WDR20: variants seen among roughly 807,000 people sequenced by gnomAD.
The protein encoded by WDR20 is WD repeat domain 20.
In WDR20, 3 loss-of-function variants were observed where a neutral mutation model predicts 38.7. The observed-to-expected ratio is 0.08, with a 90% CI of 0.04 to 0.20. The LOEUF is 0.20. WDR20 is among the 10% of genes least tolerant of loss of function. The probability of loss-of-function intolerance (pLI) is 1.00; values close to 1 mark genes in which losing one functional copy is unlikely to be tolerated. For missense variants in WDR20, 559 were observed against 727.7 expected (o/e 0.77, Z 2.67); for synonymous variants, 298 against 285.6 (o/e 1.04, Z -0.44).
intron 2 of WDR20, among the ~76,000 whole-genome samples, chr14:102,203,705 C>T (rs1478009247): frequency 6.6e-6 from 1 of 152,198 alleles, no homozygotes; most frequent in African/African-American, 2.4e-5. Context: ...AACCCCATCC[C>T]TCAGAGGGAC....
intron 1 of WDR20, among the ~76,000 whole-genome samples, chr14:102,177,210 G>GTTC (rs2062344630): frequency 1.3e-5 from 2 of 152,216 alleles, no homozygotes; most frequent in African/African-American, 2.4e-5. Context: ...GCTGAGCTGA[G>GTTC]ACCATTGTTT....
At chr14:102,161,692 C>G (rs770491798) in intron 1 of WDR20, among the ~76,000 whole-genome samples, 9 of 152,162 alleles carry the variant, frequency 5.9e-5, no homozygotes, top group Middle Eastern at 6.8e-3. Flanking sequence ...ATTGGGATGC[C>G]AGCTCCGTTT....
At chr14:102,171,464 G>T (rs886987181) in intron 1 of WDR20, 7 of 151,596 alleles carry the variant, frequency 4.6e-5, no homozygotes, top group African/African-American at 1.5e-4. Context: ...TCTTACATAT[G>T]ATTTCTTTTT....
intron 1 of WDR20, among the ~76,000 whole-genome samples, chr14:102,183,366 A>G (rs2152891664): frequency 6.6e-6 from 1 of 152,384 alleles, no homozygotes; most frequent in East Asian, 1.9e-4. Flanking sequence ...TTGTTTTAGT[A>G]GCTGATCTCC....
At chr14:102,148,292 C>G (rs2054388857) in intron 1 of WDR20, among the ~76,000 whole-genome samples, 1 of 152,010 alleles carries the variant, frequency 6.6e-6, no homozygotes, top group African/African-American at 2.4e-5. Flanking sequence ...GCCCTTAATC[C>G]CAGTATTTTA....
chr14:102,224,730 T>G, downstream of WDR20: 1 of 456,052 alleles, frequency 2.2e-6, no homozygotes, highest in Non-Finnish European at 4.4e-6. Context: ...GTTCTCAGCC[T>G]GCCCCACTCG....
chr14:102,146,156 G>A (rs556014831), intron 1 of WDR20, among the ~76,000 whole-genome samples: 1 of 151,546 alleles, frequency 6.6e-6, no homozygotes, highest in South Asian at 2.1e-4. Flanking sequence ...GAGTTTTTTT[G>A]TTTGTTTGTT....
chr14:102,139,840 G>T (rs997103900), upstream of WDR20: 23 of 1,553,374 alleles, frequency 1.5e-5, no homozygotes, highest in South Asian at 2.4e-5. Flanking sequence ...GGCAGGGGGT[G>T]GGGGAAGAGG....
chr14:102,151,762 CAA>C (rs946287593), intron 1 of WDR20, among the ~76,000 whole-genome samples: 37 of 149,626 alleles, frequency 2.5e-4, no homozygotes, highest in African/African-American at 8.1e-4. Context: ...TTTAATGAAA[CAA>C]GATTTCACTT....
chr14:102,191,936 C>G (rs1303208365), intron 1 of WDR20, among the ~76,000 whole-genome samples: 1 of 152,156 alleles, frequency 6.6e-6, no homozygotes, highest in African/African-American at 2.4e-5. Flanking sequence ...GGAAAAGAAA[C>G]TGAAAAAGAC....
chr14:102,176,343 C>G (rs989150849), intron 1 of WDR20, among the ~76,000 whole-genome samples: 2 of 151,928 alleles, frequency 1.3e-5, no homozygotes, highest in Admixed American at 6.6e-5. Context: ...TGCAGTGAGC[C>G]AAGATCGCGC....
At chr14:102,140,715 C>G (rs1047220425) in intron 1 of WDR20, among the ~76,000 whole-genome samples, 16 of 152,190 alleles carry the variant, frequency 1.1e-4, no homozygotes, top group African/African-American at 3.9e-4. Context: ...CTGACACTTC[C>G]TAGGAGCCTC....
chr14:102,215,441 G>A (rs553937401), downstream of WDR20, among the ~76,000 whole-genome samples: 73 of 152,254 alleles, frequency 4.8e-4, no homozygotes, highest in Middle Eastern at 3.4e-3. Context: ...AGAAGGTAGC[G>A]GCTGGTAGGC....
At chr14:102,200,467 T>TTGTGTGTGTGTGTGTG (rs71395660) in intron 2 of WDR20, among the ~76,000 whole-genome samples, 17 of 117,688 alleles carry the variant, frequency 1.4e-4, no homozygotes, top group African/African-American at 5.0e-4. Flanking sequence ...ATTTTTTTTT[T>TTGTGTGTGTGTGTGTG]TGTGTGTGTG....
At chr14:102,185,410 A>T (rs2064397756) in intron 1 of WDR20, among the ~76,000 whole-genome samples, 1 of 152,156 alleles carries the variant, frequency 6.6e-6, no homozygotes. Flanking sequence ...GCCTAGGAAC[A>T]TGGAGTTACA....
chr14:102,216,958 A>T (rs2063296157), downstream of WDR20, among the ~76,000 whole-genome samples: 1 of 152,086 alleles, frequency 6.6e-6, no homozygotes, highest in African/African-American at 2.4e-5. Context: ...CCATTTCTCC[A>T]TGTGTGGCTG....
chr14:102,181,395 G>A (rs531296315), intron 1 of WDR20, among the ~76,000 whole-genome samples: 36 of 152,202 alleles, frequency 2.4e-4, no homozygotes, highest in Middle Eastern at 3.4e-3. Context: ...TCAGAGCTCC[G>A]AGTTGAGCTG....
intron 1 of WDR20, among the ~76,000 whole-genome samples, chr14:102,190,589 G>A (rs1273316057): frequency 2.0e-5 from 3 of 151,760 alleles, no homozygotes; most frequent in Admixed American, 6.6e-5. Context: ...GGGAAATTCT[G>A]TCTCAAAAAA....
rs1951313 is a variant in WDR20 at position 102,144,879 on chromosome 14, A to G, written c.249+4707A>G. Reference sequence around the variant, plus strand: ...CATGCCCAGCTCATTTTTGTATTTTAATAGAGACGGGGTTTTGCCATGTTG... The same window carrying G: ...CATGCCCAGCTCATTTTTGTATTTTGATAGAGACGGGGTTTTGCCATGTTG... On this transcript the variant is annotated intron_variant, in intron 1 of 2. Transcript: ENST00000342702. Among the ~76,000 whole-genome samples the G allele has an allele frequency of 3.8e-3, 584 of 152,020 alleles. 9 individuals are homozygous for G. In the East Asian group the frequency reaches 0.049, roughly 13 times the overall value.
Sources: gnomAD v4.1 joint callset for allele counts (sites outside exome capture counted in the v4.1 genomes callset) on GRCh38, gnomAD v4.1.1 for gene constraint, MANE v1.5 for transcripts, NCBI Gene and HGNC (gene_info 2026-07-23, HGNC 2026-07-21) for gene names.